ASTN2: variants seen among roughly 807,000 people sequenced by gnomAD.
ASTN2 encodes astrotactin 2, also known as astrotactin-2.
A neutral mutation model predicts 139.8 loss-of-function variants in ASTN2; 54 were observed. The observed-to-expected ratio is 0.39, with a 90% confidence interval of 0.31 to 0.48. The LOEUF (loss-of-function observed/expected upper bound fraction) is 0.48, where lower values mean the gene tolerates loss of function less well. Among genes scored for constraint, ASTN2 ranks in the 20% least tolerant of loss-of-function variants. The pLI, the probability that ASTN2 is intolerant of heterozygous loss-of-function variation, is 0.95. For synonymous variants in ASTN2, 756 were observed against 719.5 expected (o/e 1.05, Z -0.81); for missense variants, 1,565 against 1,725.1 (o/e 0.91, Z 1.64).
intron 13 of ASTN2, among the ~76,000 whole-genome samples, chr9:116,774,900 G>A (rs1278104150): frequency 1.3e-5 from 2 of 152,076 alleles, no homozygotes; most frequent in Non-Finnish European, 2.9e-5. Flanking sequence ...ACACACATGG[G>A]CACATGCTCA....
At chr9:116,967,715 G>T (rs1404066630) in intron 10 of ASTN2, among the ~76,000 whole-genome samples, 1 of 152,184 alleles carries the variant, frequency 6.6e-6, no homozygotes, top group Non-Finnish European at 1.5e-5. Context: ...TGTAAGACCG[G>T]TATCAAGGGC....
Position 116,837,178 on chromosome 9 carries a change from CTG to C in ASTN2, c.2041-16397_2041-16396del, listed in dbSNP as rs1314983925. Among the ~76,000 whole-genome samples, 14 of 152,298 alleles carry C rather than the reference CTG, an allele frequency of 9.2e-5. No individual in the cohort carries two copies. In the East Asian group the frequency reaches 2.7e-3, roughly 29 times the overall value. On this transcript the variant is annotated intron_variant, in intron 11 of 22. Coordinates refer to ENST00000313400, the MANE Select transcript of ASTN2 (RefSeq NM_001365068.1). ...CAAAAGGAGTCTGGGGAAGCAGGCT[CTG>C]TGCATCTGGGCAGGGGCTTGAGAAA...
intron 19 of ASTN2, among the ~76,000 whole-genome samples, chr9:116,536,245 T>C (rs1022984466): frequency 2.6e-5 from 4 of 151,918 alleles, no homozygotes; most frequent in Non-Finnish European, 5.9e-5. Context: ...GTTATTCTAG[T>C]TAGCCATTCT....
chr9:117,216,146 A>T (rs1416709978), intron 2 of ASTN2, among the ~76,000 whole-genome samples: 1 of 152,202 alleles, frequency 6.6e-6, no homozygotes, highest in Admixed American at 6.5e-5. Context: ...TGAATACATT[A>T]TCTTAGGGGC....
intron 20 of ASTN2, among the ~76,000 whole-genome samples, chr9:116,484,233 A>G (rs560893834): frequency 1.3e-5 from 2 of 152,326 alleles, no homozygotes; most frequent in African/African-American, 2.4e-5. Flanking sequence ...CTATATGCCA[A>G]TAATTCAGGT....
At chr9:116,466,910 T>C (rs972376909) in intron 20 of ASTN2, among the ~76,000 whole-genome samples, 1 of 152,188 alleles carries the variant, frequency 6.6e-6, no homozygotes, top group Admixed American at 6.5e-5. Flanking sequence ...TTGTTTGTTT[T>C]CCTTACCCAG....
At chr9:117,116,158 G>A (rs1389298918) in intron 4 of ASTN2, among the ~76,000 whole-genome samples, 2 of 152,080 alleles carry the variant, frequency 1.3e-5, no homozygotes, top group Non-Finnish European at 2.9e-5. Flanking sequence ...CAAGAGCTGT[G>A]GAACACATGG....
intron 10 of ASTN2, among the ~76,000 whole-genome samples, chr9:116,950,083 A>G (rs1038128025): frequency 3.3e-5 from 5 of 152,138 alleles, no homozygotes; most frequent in Admixed American, 3.3e-4. Context: ...CCAGGAATGA[A>G]AGAGATAGCT....
intron 11 of ASTN2, among the ~76,000 whole-genome samples, chr9:116,835,915 T>C (rs1222311295): frequency 2.0e-5 from 3 of 152,138 alleles, no homozygotes; most frequent in Admixed American, 6.5e-5. Flanking sequence ...GCCTCCTGAA[T>C]AGCTGGGATT....
At chr9:116,741,752 T>A (rs2132138728) in intron 13 of ASTN2, among the ~76,000 whole-genome samples, 1 of 152,128 alleles carries the variant, frequency 6.6e-6, no homozygotes, top group East Asian at 1.9e-4. Context: ...ATCTATAGGG[T>A]CTGGTGGTGA....
chr9:117,180,400 TC>T (rs1440323661), intron 3 of ASTN2, among the ~76,000 whole-genome samples: 1 of 152,146 alleles, frequency 6.6e-6, no homozygotes, highest in African/African-American at 2.4e-5. Context: ...CCTTTACACA[TC>T]CCCTTTCCCT....
chr9:116,830,530 G>A (rs192556171), intron 11 of ASTN2, among the ~76,000 whole-genome samples: 22 of 152,226 alleles, frequency 1.4e-4, no homozygotes, highest in African/African-American at 5.1e-4. Flanking sequence ...GGTGGCTCAA[G>A]CCTGTAATCC....
chr9:116,832,332 C>G (rs771009008), intron 11 of ASTN2, among the ~76,000 whole-genome samples: 1 of 151,900 alleles, frequency 6.6e-6, no homozygotes, highest in East Asian at 1.9e-4. Context: ...TATCTGAATG[C>G]CTTCTTCCTT....
intron 5 of ASTN2, among the ~76,000 whole-genome samples, chr9:117,084,499 G>A (rs765217340): frequency 7.9e-5 from 12 of 152,206 alleles, no homozygotes; most frequent in Non-Finnish European, 1.3e-4. Context: ...CCACAGCTAC[G>A]CAACTTATTG....
At chr9:116,827,281 C>T (rs1831661222) in intron 11 of ASTN2, among the ~76,000 whole-genome samples, 1 of 138,898 alleles carries the variant, frequency 7.2e-6, no homozygotes, top group African/African-American at 2.7e-5. Context: ...TGCACTCCAG[C>T]CTGGGCAACA....
intron 2 of ASTN2, 24 bp downstream of exon 2, chr9:117,291,302 C>T (rs376965391): frequency 2.2e-4 from 353 of 1,613,126 alleles, no homozygotes; most frequent in Non-Finnish European, 2.8e-4. Context: ...TCCCCGACCC[C>T]GGTCACATCC....
chr9:116,761,775 G>T (rs1335925802), intron 13 of ASTN2, among the ~76,000 whole-genome samples: 5 of 152,018 alleles, frequency 3.3e-5, no homozygotes, highest in African/African-American at 1.2e-4. Flanking sequence ...CAATGAGGAG[G>T]CCCTGATGAG....
chr9:116,648,956 C>A (rs1857752523), intron 17 of ASTN2, among the ~76,000 whole-genome samples: 1 of 151,846 alleles, frequency 6.6e-6, no homozygotes, highest in Non-Finnish European at 1.5e-5. Context: ...ATTGTTTGAA[C>A]CCAGGAGGCG....
At chr9:117,350,192 A>G (rs1829343629) in intron 1 of ASTN2, among the ~76,000 whole-genome samples, 1 of 152,198 alleles carries the variant, frequency 6.6e-6, no homozygotes, top group Admixed American at 6.5e-5. Context: ...GAAAAAAGAT[A>G]TAGTACTACA....
Sources: gnomAD v4.1 joint callset for allele counts (sites outside exome capture counted in the v4.1 genomes callset) on GRCh38, gnomAD v4.1.1 for gene constraint, MANE v1.5 for transcripts, NCBI Gene and HGNC (gene_info 2026-07-23, HGNC 2026-07-21) for gene names.